Variants in NUP188 observed in about 807,000 individuals in gnomAD.
NUP188 encodes nucleoporin 188, also known as nucleoporin NUP188.
A neutral mutation model predicts 223.0 loss-of-function variants in NUP188; 97 were observed. The ratio of observed to expected loss-of-function variants is 0.43; its 90% CI spans 0.37 to 0.51. The LOEUF is 0.51. Among genes scored for constraint, NUP188 ranks in the 20% least tolerant of loss-of-function variants. The pLI is 0.00. For missense variants in NUP188, 1,947 were observed against 2,175.6 expected, an observed-to-expected ratio of 0.89 and a Z score of 2.09; for synonymous variants, 869 against 828.0, an observed-to-expected ratio of 1.05 and a Z score of -0.85.
chr9:128,968,667 C>G lies in NUP188; in HGVS notation c.747C>G (p.Thr249=), dbSNP rs778106274. 6 of 1,613,936 alleles carry G rather than the reference C, an allele frequency of 3.7e-6. No homozygotes were observed. Among genetic ancestry groups the G allele is most frequent in the Middle Eastern group, 1.6e-4 (1 of 6,084 alleles). The change falls in exon 9 of 44, where the codon ACC becomes ACG. Residue 249 remains threonine (T), a synonymous_variant. Coordinates refer to ENST00000372577, the MANE Select transcript of NUP188 (RefSeq NM_015354.3). ...FKEQGFGSRQ[T]NRHLVDETMD... ...AGCAAGGATTTGGTAGTAGGCAGACCAATAGGCACCTGGTGGATGAGACTA... is the reference window on the plus strand; with the variant it reads ...AGCAAGGATTTGGTAGTAGGCAGACGAATAGGCACCTGGTGGATGAGACTA...
At chr9:129,000,682 G>GT (rs954818765) in intron 34 of NUP188, among the ~76,000 whole-genome samples, 1 of 152,084 alleles carries the variant, frequency 6.6e-6, no homozygotes, top group African/African-American at 2.4e-5. Flanking sequence ...TGTGCTTTGT[G>GT]TGACATTAGG....
intron 3 of NUP188, among the ~76,000 whole-genome samples, chr9:128,954,828 GA>G (rs1841846224): frequency 6.6e-6 from 1 of 151,040 alleles, no homozygotes; most frequent in African/African-American, 2.4e-5. Context: ...GAGTTTTTGG[GA>G]AAAATACACA....
chr9:128,976,004 G>T (rs1375083456), intron 12 of NUP188, among the ~76,000 whole-genome samples: 1 of 150,806 alleles, frequency 6.6e-6, no homozygotes, highest in Non-Finnish European at 1.5e-5. Flanking sequence ...TGTAATTTTA[G>T]TAGAGACAGT....
chr9:128,976,379 A>G (rs1457011244), intron 12 of NUP188, among the ~76,000 whole-genome samples: 1 of 152,138 alleles, frequency 6.6e-6, no homozygotes, highest in Non-Finnish European at 1.5e-5. Flanking sequence ...TGAAAGACTC[A>G]ATTTCTAGAG....
At chr9:128,985,131 T>C (rs1842316181) in intron 20 of NUP188, 117 bp downstream of exon 20, 7 of 698,518 alleles carry the variant, frequency 1.0e-5, no homozygotes, top group Non-Finnish European at 4.9e-6. Context: ...GTAGGCAGAA[T>C]AGTCATCTTG....
chr9:128,970,128 A>T (rs978837212), intron 10 of NUP188, among the ~76,000 whole-genome samples: 7 of 151,850 alleles, frequency 4.6e-5, no homozygotes, highest in Non-Finnish European at 1.5e-5. Flanking sequence ...GGGTTTCACT[A>T]TGTTGGCCAG....
At chr9:129,006,182 C>T (rs1271380881) in intron 42 of NUP188, 57 bp from the exon 43 acceptor site, 1 of 1,614,008 alleles carries the variant, frequency 6.2e-7, no homozygotes, top group African/African-American at 1.3e-5. Flanking sequence ...CCACTGTTCT[C>T]AAGCTTGGCC....
intron 8 of NUP188, among the ~76,000 whole-genome samples, chr9:128,967,040 C>T (rs1381090466): frequency 6.6e-6 from 1 of 152,108 alleles, no homozygotes; most frequent in East Asian, 1.9e-4. Flanking sequence ...CAGAGTCTCA[C>T]TGTGTCACCC....
At chr9:128,978,556 C>CAAAAA (rs57813508) in intron 12 of NUP188, among the ~76,000 whole-genome samples, 1 of 67,632 alleles carries the variant, frequency 1.5e-5, no homozygotes, top group Non-Finnish European at 2.6e-5. Flanking sequence ...GAGTGAGACT[C>CAAAAA]AAAAAAAAAA....
At chr9:128,999,446 T>C in intron 33 of NUP188, 129 bp downstream of exon 33, 1 of 1,339,724 alleles carries the variant, frequency 7.5e-7, no homozygotes, top group East Asian at 2.5e-5. Context: ...CATGGAATTC[T>C]TACCCCAAGA....
At chr9:128,985,239 G>A in intron 20 of NUP188, 1 of 426,886 alleles carries the variant, frequency 2.3e-6, no homozygotes, top group East Asian at 3.9e-5. Flanking sequence ...TTTAATGATT[G>A]GAAGGTTTAT....
At chr9:128,963,621 G>C (rs2131148455) in intron 8 of NUP188, among the ~76,000 whole-genome samples, 1 of 152,076 alleles carries the variant, frequency 6.6e-6, no homozygotes, top group African/African-American at 2.4e-5. Flanking sequence ...ACCAACACTT[G>C]GTATGGCTGT....
chr9:128,979,864 C>T (rs1842231617), intron 13 of NUP188, among the ~76,000 whole-genome samples: 1 of 152,120 alleles, frequency 6.6e-6, no homozygotes, highest in South Asian at 2.1e-4. Flanking sequence ...GATCTCCTGA[C>T]CTCGTGATCT....
In NUP188 at chr9:129,006,974, G is replaced by C; in HGVS notation, c.*296G>C. ...CCCCACAGCACTGCCGGCCAGGGGA[G>C]AGGCGGCAGCCCAGCAGAGGGCTCT... On this transcript the variant is annotated 3_prime_UTR_variant, in exon 44 of 44. Transcript: ENST00000372577. The C allele has an allele frequency of 3.0e-6, 1 of 328,520 alleles. No homozygotes were observed. The highest frequency in any genetic ancestry group is 5.6e-6 in the Non-Finnish European group (1 of 179,662). 20.4% of individuals were successfully genotyped at this position (328,520 alleles called of 1,614,324 possible). A position where few individuals can be genotyped will look rare whatever the true frequency, so the allele number is the denominator to read the frequency against.
At chr9:128,976,163 T>TCTTGTAAGA (rs1842172779) in intron 12 of NUP188, among the ~76,000 whole-genome samples, 1 of 152,192 alleles carries the variant, frequency 6.6e-6, no homozygotes, top group Non-Finnish European at 1.5e-5. Context: ...GTTACAGGAT[T>TCTTGTAAGA]ATCTTGTAAG....
At position 128,953,880 on chromosome 9, in the gene NUP188, G is replaced by C. The variant is rs1302395261; in HGVS notation, c.161+1034G>C. 3.9e-5 allele frequency among the ~76,000 whole-genome samples: 6 copies of C among 151,916 alleles called. No homozygotes were observed. In the East Asian group the frequency reaches 1.2e-3, roughly 29 times the overall value. ...GGGTTTTGCTCTGTCGCCCAGACTGGAGTGCAGTGTCACATCTCAGCTTAC... is the reference window on the plus strand; with the variant it reads ...GGGTTTTGCTCTGTCGCCCAGACTGCAGTGCAGTGTCACATCTCAGCTTAC... On this transcript the variant is annotated intron_variant, in intron 3 of 43. Transcript: ENST00000372577.
chr9:128,958,194 T>G (rs1841897691), intron 6 of NUP188, 140 bp downstream of exon 6: 1 of 636,090 alleles, frequency 1.6e-6, no homozygotes, highest in Non-Finnish European at 2.7e-6. Context: ...ATTAACTCAT[T>G]TATGAAAAGA....
intron 4 of NUP188, among the ~76,000 whole-genome samples, chr9:128,956,660 G>C (rs1161755789): frequency 1.3e-5 from 2 of 152,156 alleles, no homozygotes; most frequent in African/African-American, 4.8e-5. Flanking sequence ...TGGTCTTTAA[G>C]GTGACTAAGT....
At chr9:128,996,614 G>A (rs1324856915) in intron 30 of NUP188, among the ~76,000 whole-genome samples, 1 of 152,080 alleles carries the variant, frequency 6.6e-6, no homozygotes, top group African/African-American at 2.4e-5. Context: ...GCTGTGGCAT[G>A]GTGGTTTTGG....
Sources: gnomAD v4.1 joint callset for allele counts (sites outside exome capture counted in the v4.1 genomes callset) on GRCh38, gnomAD v4.1.1 for gene constraint, MANE v1.5 for transcripts, NCBI Gene and HGNC (gene_info 2026-07-23, HGNC 2026-07-21) for gene names.